Variants in NRXN3 observed in about 807,000 individuals in gnomAD.
The protein encoded by NRXN3 is neurexin III.
NRXN3 carries 32 observed loss-of-function variants against 137.6 expected under a neutral mutation model. The observed-to-expected ratio is 0.23, with a 90% CI of 0.18 to 0.31. The LOEUF is 0.31. Ranked by LOEUF, NRXN3 falls within the 10% of genes least tolerant of loss-of-function variation. NRXN3 has a pLI of 1.00. For missense variants in NRXN3, 1,574 were observed against 2,062.5 expected (o/e 0.76, Z 4.59); for synonymous variants, 798 against 784.5 (o/e 1.02, Z -0.29).
At chr14:78,662,763 T>A (rs2097851535) in intron 6 of NRXN3, among the ~76,000 whole-genome samples, 1 of 152,224 alleles carries the variant, frequency 6.6e-6, no homozygotes, top group African/African-American at 2.4e-5. Flanking sequence ...CAGTTGGCTT[T>A]ACATGTCCCA....
At chr14:79,659,455 A>G (rs1003075881) in intron 16 of NRXN3, among the ~76,000 whole-genome samples, 3 of 152,300 alleles carry the variant, frequency 2.0e-5, no homozygotes, top group Admixed American at 1.3e-4. Context: ...ATAGGAAATC[A>G]ACCCTGCATA....
intron 4 of NRXN3, among the ~76,000 whole-genome samples, chr14:78,501,550 T>C (rs1242495918): frequency 3.3e-5 from 5 of 152,174 alleles, no homozygotes. Context: ...CAAAAAAAGC[T>C]ACTTACTAGG....
chr14:79,584,585 G>A (rs972806465), intron 16 of NRXN3, among the ~76,000 whole-genome samples: 4 of 152,180 alleles, frequency 2.6e-5, no homozygotes, highest in African/African-American at 4.8e-5. Flanking sequence ...TGGGACACAC[G>A]CACTGTAACC....
chr14:78,271,486 A>C lies in NRXN3; in HGVS notation c.710-7159A>C, dbSNP rs527762955. On this transcript the variant is annotated intron_variant, in intron 2 of 20. Transcript: ENST00000335750. The stretch of plus-strand genomic sequence containing the variant: ...AACTTCTAAAGCATTTAAAAAAAAA[A>C]AAAAACAAAAGGGCTGTCTGCACTG... 1.4e-3 allele frequency among the ~76,000 whole-genome samples: 163 copies of C among 115,510 alleles called. 4 individuals carry two copies. The highest frequency in any genetic ancestry group is 3.1e-4 in the Non-Finnish European group (15 of 48,872). The allele number at this position is 115,510 out of a possible 152,430, so 75.8% of individuals were successfully genotyped here.
intron 15 of NRXN3, among the ~76,000 whole-genome samples, chr14:79,463,180 A>G (rs2096375261): frequency 6.6e-6 from 1 of 152,194 alleles, no homozygotes; most frequent in South Asian, 2.1e-4. Context: ...ATGCACCCAA[A>G]ATTTAAGAAC....
intron 1 of NRXN3, among the ~76,000 whole-genome samples, chr14:78,238,549 G>A (rs1234847781): frequency 2.0e-5 from 3 of 152,244 alleles, no homozygotes; most frequent in Admixed American, 6.5e-5. Flanking sequence ...GATATTTAGT[G>A]TAAGGGCATC....
chr14:79,509,148 C>T (rs148104740), intron 16 of NRXN3, among the ~76,000 whole-genome samples: 1,562 of 152,142 alleles, frequency 0.01, 28 homozygotes, highest in African/African-American at 0.036. Flanking sequence ...GAGCCAAAAT[C>T]GTGCCACTGC....
At chr14:78,448,111 A>G (rs2094463861) in intron 4 of NRXN3, among the ~76,000 whole-genome samples, 1 of 152,160 alleles carries the variant, frequency 6.6e-6, no homozygotes, top group Non-Finnish European at 1.5e-5. Flanking sequence ...CTCCCCAACC[A>G]TAATAATTTT....
At chr14:78,505,201 A>T (rs988062175) in intron 4 of NRXN3, among the ~76,000 whole-genome samples, 6 of 151,704 alleles carry the variant, frequency 4.0e-5, no homozygotes, top group Non-Finnish European at 8.8e-5. Context: ...TTTTTTTTTT[A>T]AGATGAGGTG....
At chr14:79,757,356 T>C (rs1427539484) in intron 19 of NRXN3, among the ~76,000 whole-genome samples, 2 of 152,194 alleles carry the variant, frequency 1.3e-5, no homozygotes, top group Non-Finnish European at 2.9e-5. Context: ...GGTACTGTTA[T>C]CATCGTCCTG....
intron 10 of NRXN3, among the ~76,000 whole-genome samples, chr14:78,866,984 A>T (rs1207802146): frequency 6.6e-6 from 1 of 151,920 alleles, no homozygotes; most frequent in Non-Finnish European, 1.5e-5. Context: ...TTTTTAGTAG[A>T]GATGGGGTTT....
At chr14:78,954,969 T>C (rs1414329895) in intron 10 of NRXN3, among the ~76,000 whole-genome samples, 1 of 152,114 alleles carries the variant, frequency 6.6e-6, no homozygotes, top group Non-Finnish European at 1.5e-5. Context: ...ATAGGTACTG[T>C]CATACCAATG....
chr14:78,369,229 CA>C (rs2086445693), intron 4 of NRXN3, among the ~76,000 whole-genome samples: 1 of 151,418 alleles, frequency 6.6e-6, no homozygotes, highest in Non-Finnish European at 1.5e-5. Flanking sequence ...ATCATATATC[CA>C]ATGCAAGTGG....
chr14:78,678,132 T>C (rs1020070750), intron 6 of NRXN3, among the ~76,000 whole-genome samples: 3 of 152,142 alleles, frequency 2.0e-5, no homozygotes, highest in Admixed American at 1.3e-4. Flanking sequence ...TTTTGAGATA[T>C]ATCTGTATGT....
chr14:78,385,611 T>G (rs2089857672), intron 4 of NRXN3, among the ~76,000 whole-genome samples: 1 of 152,188 alleles, frequency 6.6e-6, no homozygotes, highest in South Asian at 2.1e-4. Context: ...TTGGGAAATA[T>G]TCTATGTATG....
chr14:78,395,757 AT>A (rs919557491), intron 4 of NRXN3, among the ~76,000 whole-genome samples: 1 of 150,906 alleles, frequency 6.6e-6, no homozygotes, highest in Admixed American at 6.6e-5. Flanking sequence ...TGTTTTTGTG[AT>A]TTTTTTTGTC....
intron 1 of NRXN3, among the ~76,000 whole-genome samples, chr14:78,203,839 GT>G (rs33982075): frequency 9.0e-5 from 7 of 78,144 alleles, no homozygotes; most frequent in African/African-American, 1.3e-4. Context: ...TGTGTGTGTG[GT>G]TTGTGTGTGT....
intron 16 of NRXN3, among the ~76,000 whole-genome samples, chr14:79,590,416 T>TAAAAAAAAAAAAAAAAAAAAAAAAAA (rs11419735): frequency 1.1e-5 from 1 of 92,272 alleles, no homozygotes; most frequent in African/African-American, 5.6e-5. Context: ...TTTCTTTTGT[T>TAAAAAAAAAAAAAAAAAAAAAAAAAA]AAAAAAAAAA....
intron 10 of NRXN3, among the ~76,000 whole-genome samples, chr14:78,829,906 G>A (rs1177084726): frequency 6.6e-6 from 1 of 152,088 alleles, no homozygotes; most frequent in Non-Finnish European, 1.5e-5. Context: ...AAAAGACAAG[G>A]TAGTTTTCTA....
Sources: allele counts gnomAD v4.1 joint callset (sites outside exome capture counted in the v4.1 genomes callset), GRCh38; gene constraint gnomAD v4.1.1; transcripts MANE v1.5; gene names NCBI Gene and HGNC (gene_info 2026-07-23, HGNC 2026-07-21).